MCTP2: variants seen among roughly 807,000 people sequenced by gnomAD.
The protein encoded by MCTP2 is multiple C2 and transmembrane domain-containing protein 2.
Under a neutral mutation model 111.6 loss-of-function variants are expected in MCTP2, and 132 were observed. The observed-to-expected ratio is 1.18, with a 90% CI of 1.03 to 1.37. MCTP2 has a LOEUF of 1.37. Ranked by LOEUF, MCTP2 falls within the 40% of genes most tolerant of loss-of-function variation. MCTP2 has a pLI of 0.00. For missense variants in MCTP2, 1,183 were observed against 1,067.9 expected (o/e 1.11, Z -1.50); for synonymous variants, 395 against 387.7 (o/e 1.02, Z -0.22).
Position 94,340,843 on chromosome 15 carries a change from T to G in MCTP2, c.888T>G (p.Asp296Glu). ...CTGAACATATTTTAAAACTGGAAGATCCAAACAGTTTAGAAGATGACATGG... is the reference window on the plus strand; with the variant it reads ...CTGAACATATTTTAAAACTGGAAGAGCCAAACAGTTTAGAAGATGACATGG... ...RTTEHILKLE[D>E]PNSLEDDMGV... is the part of the protein sequence containing the mutation. Residue 296 changes from aspartate (D) to glutamate (E), a missense_variant, in exon 7 of 23, where the codon GAT becomes GAG. By Grantham distance (45) the Asp-to-Glu change is conservative. Transcript: ENST00000357742. 6.2e-7 allele frequency: 1 copy of G among 1,612,166 alleles called. No individual in the cohort carries two copies. Among genetic ancestry groups the G allele is most frequent in the Middle Eastern group, 1.7e-4 (1 of 6,040 alleles).
chr15:94,434,458 A>T (rs1368838), intron 17 of MCTP2, among the ~76,000 whole-genome samples: 40,254 of 151,296 alleles, frequency 0.27, 5,694 homozygotes, highest in East Asian at 0.41. Flanking sequence ...AGATGGCAAG[A>T]TTTTCTCTTA....
At chr15:94,455,661 G>A (rs1006415126) in intron 19 of MCTP2, among the ~76,000 whole-genome samples, 1 of 151,938 alleles carries the variant, frequency 6.6e-6, no homozygotes, top group Non-Finnish European at 1.5e-5. Flanking sequence ...TCCTGACCTC[G>A]TTATCTGCCC....
chr15:94,380,646 T>C (rs1165524726), intron 12 of MCTP2, among the ~76,000 whole-genome samples: 2 of 151,924 alleles, frequency 1.3e-5, no homozygotes, highest in African/African-American at 2.4e-5. Context: ...CACGTGCCTA[T>C]AATCCCAGCT....
chr15:94,262,347 G>A (rs2073234348), intron 1 of MCTP2, among the ~76,000 whole-genome samples: 1 of 152,108 alleles, frequency 6.6e-6, no homozygotes, highest in Non-Finnish European at 1.5e-5. Context: ...CCATCTTTTA[G>A]CAATTTATAA....
intron 14 of MCTP2, among the ~76,000 whole-genome samples, chr15:94,396,638 T>C (rs1465134373): frequency 6.6e-6 from 1 of 152,188 alleles, no homozygotes; most frequent in East Asian, 1.9e-4. Context: ...ATAACACTAT[T>C]CAAATGTGTT....
At chr15:94,245,165 T>C (rs1270159949) in intron 1 of MCTP2, among the ~76,000 whole-genome samples, 3 of 147,994 alleles carry the variant, frequency 2.0e-5, no homozygotes, top group Admixed American at 1.3e-4. Context: ...TGTATATTTA[T>C]ACACATGTAT....
At chr15:94,457,821 GA>G (rs751599318) in intron 19 of MCTP2, among the ~76,000 whole-genome samples, 9 of 152,170 alleles carry the variant, frequency 5.9e-5, no homozygotes, top group Non-Finnish European at 1.0e-4. Context: ...TAGCCAGACT[GA>G]CGGGATTGCA....
At chr15:94,416,202 C>A (rs1363486902) in intron 17 of MCTP2, among the ~76,000 whole-genome samples, 2 of 152,004 alleles carry the variant, frequency 1.3e-5, no homozygotes, top group Non-Finnish European at 2.9e-5. Flanking sequence ...AAGAGACCTG[C>A]AAGGATTCCC....
intron 1 of MCTP2, among the ~76,000 whole-genome samples, chr15:94,292,387 T>G (rs917614512): frequency 1.3e-5 from 2 of 152,048 alleles, no homozygotes; most frequent in Admixed American, 6.5e-5. Context: ...GAAGAAGACC[T>G]AAAGGAATAT....
intron 17 of MCTP2, among the ~76,000 whole-genome samples, chr15:94,430,372 AC>A (rs1321393331): frequency 6.8e-6 from 1 of 147,158 alleles, no homozygotes; most frequent in African/African-American, 2.5e-5. Context: ...AAAAAAACAA[AC>A]AAAAAAAACC....
At chr15:94,455,141 G>A (rs191944059) in intron 19 of MCTP2, among the ~76,000 whole-genome samples, 1 of 152,272 alleles carries the variant, frequency 6.6e-6, no homozygotes, top group Non-Finnish European at 1.5e-5. Context: ...TTAATTTATG[G>A]GAAGAATCCT....
In MCTP2 at chr15:94,385,482, A is replaced by C. The variant is rs2152456688; in HGVS notation, c.1745A>C (p.Lys582Thr). The change falls in exon 14 of 23, where the codon AAA becomes ACA. Residue 582 changes from lysine (K) to threonine (T), a missense_variant. Lys to Thr is a moderately conservative substitution (Grantham distance 78, BLOSUM62 -1). Coordinates refer to ENST00000357742, the MANE Select transcript of MCTP2 (RefSeq NM_001385001.1). Reference protein sequence around the residue: ...EVTVFDEDGDKPPDFLGKVAI... With the variant: ...EVTVFDEDGDTPPDFLGKVAI... ...ACAGTGTTTGATGAAGATGGAGATA[A>C]ACCCCCAGATTTTCTTGGAAAAGTT... 1 of 1,613,558 alleles carries C rather than the reference A, an allele frequency of 6.2e-7. No individual in the cohort carries two copies. The highest frequency in any genetic ancestry group is 1.1e-5 in the South Asian group (1 of 91,074).
intron 17 of MCTP2, among the ~76,000 whole-genome samples, chr15:94,416,484 G>A (rs544074232): frequency 1.3e-5 from 2 of 152,110 alleles, no homozygotes; most frequent in African/African-American, 4.8e-5. Flanking sequence ...CTGCTTCTGC[G>A]TGGACTGTCC....
At chr15:94,445,854 A>G (rs2084087128) in intron 19 of MCTP2, among the ~76,000 whole-genome samples, 1 of 152,208 alleles carries the variant, frequency 6.6e-6, no homozygotes, top group South Asian at 2.1e-4. Flanking sequence ...TACCCAAACC[A>G]TCCATCTTGA....
At chr15:94,440,339 A>C in intron 18 of MCTP2, 41 bp downstream of exon 18, 1 of 1,610,658 alleles carries the variant, frequency 6.2e-7, no homozygotes, top group Non-Finnish European at 8.5e-7. Flanking sequence ...ACTGCCGAGA[A>C]ATGTGTTAAC....
At chr15:94,399,160 T>A in intron 15 of MCTP2, 98 bp downstream of exon 15, 2 of 684,450 alleles carry the variant, frequency 2.9e-6, no homozygotes, top group Non-Finnish European at 5.2e-6. Context: ...GTTTCAGAAT[T>A]TTTGCAGCTA....
chr15:94,423,592 G>A (rs1345677615), intron 17 of MCTP2, among the ~76,000 whole-genome samples: 1 of 152,132 alleles, frequency 6.6e-6, no homozygotes, highest in Non-Finnish European at 1.5e-5. Flanking sequence ...TACATAGTGA[G>A]GTACCCTGAC....
intron 8 of MCTP2, among the ~76,000 whole-genome samples, chr15:94,346,300 C>G (rs2077979231): frequency 6.6e-6 from 1 of 152,144 alleles, no homozygotes; most frequent in Non-Finnish European, 1.5e-5. Flanking sequence ...AAATAATTCT[C>G]ATAAGGTGTC....
intron 4 of MCTP2, among the ~76,000 whole-genome samples, chr15:94,320,917 G>T (rs539519185): frequency 3.9e-5 from 6 of 152,264 alleles, no homozygotes; most frequent in Middle Eastern, 3.4e-3. Flanking sequence ...CTACTACTTG[G>T]CTTTGTGACC....
Sources: gnomAD v4.1 joint callset for allele counts (sites outside exome capture counted in the v4.1 genomes callset) on GRCh38, gnomAD v4.1.1 for gene constraint, MANE v1.5 for transcripts, NCBI Gene and HGNC (gene_info 2026-07-23, HGNC 2026-07-21) for gene names.